PDE11A: variants seen among roughly 807,000 people sequenced by gnomAD.
PDE11A encodes phosphodiesterase 11A.
Under a neutral mutation model 100.5 loss-of-function variants are expected in PDE11A, and 100 were observed. That is an observed-to-expected ratio of 1.00 (90% confidence interval 0.85 to 1.18). The LOEUF (loss-of-function observed/expected upper bound fraction) is 1.18. Ranked by LOEUF, PDE11A falls within the 50% of genes most tolerant of loss-of-function variation. The probability of loss-of-function intolerance (pLI) is 0.00; values close to 1 mark genes in which losing one functional copy is unlikely to be tolerated. For missense variants in PDE11A, 1,141 were observed against 1,152.6 expected (o/e 0.99, Z 0.15); for synonymous variants, 381 against 420.8 (o/e 0.91, Z 1.16).
chr2:177,939,117 C>T (rs566992298), intron 2 of PDE11A, among the ~76,000 whole-genome samples: 2 of 152,272 alleles, frequency 1.3e-5, no homozygotes, highest in South Asian at 4.1e-4. Context: ...AGCAAACTTG[C>T]ATAACATGCA....
At chr2:177,851,100 G>A (rs923171348) in intron 5 of PDE11A, among the ~76,000 whole-genome samples, 40 of 152,040 alleles carry the variant, frequency 2.6e-4, no homozygotes, top group African/African-American at 3.4e-4. Context: ...TGTTTATTGC[G>A]GCACTATTCA....
Position 177,631,969 on chromosome 2 carries a change from A to T in PDE11A, c.2647-2407T>A, listed in dbSNP as rs374570951. Among the ~76,000 whole-genome samples the T allele has an allele frequency of 2.7e-4, 41 of 152,266 alleles. No individual in the cohort carries two copies. The East Asian group carries it at 7.7e-3, about 29-fold the overall frequency. The stretch of plus-strand genomic sequence containing the variant: ...CATGTTAGGATCATAAATGATCCTT[A>T]GCCTTTCCATCACAGGAGGAAGGTA... On this transcript the variant is annotated intron_variant, in intron 19 of 19. Coordinates refer to ENST00000286063, the MANE Select transcript of PDE11A (RefSeq NM_016953.4).
intron 5 of PDE11A, among the ~76,000 whole-genome samples, chr2:177,867,087 G>C (rs1449549734): frequency 6.6e-6 from 1 of 152,146 alleles, no homozygotes; most frequent in African/African-American, 2.4e-5. Flanking sequence ...ATGTGTGTGT[G>C]TATACTTGTG....
intron 5 of PDE11A, among the ~76,000 whole-genome samples, chr2:177,851,631 C>A (rs953558475): frequency 6.6e-6 from 1 of 152,160 alleles, no homozygotes; most frequent in Admixed American, 6.5e-5. Context: ...GTGAATAAGG[C>A]TACTGCGGAA....
intron 2 of PDE11A, among the ~76,000 whole-genome samples, chr2:178,000,359 A>T (rs1574333631): frequency 6.6e-6 from 1 of 152,250 alleles, no homozygotes. Flanking sequence ...TCATTTAAAC[A>T]GCATATTCCA....
At chr2:177,917,183 C>T (rs1185621025) in intron 2 of PDE11A, among the ~76,000 whole-genome samples, 1 of 151,152 alleles carries the variant, frequency 6.6e-6, no homozygotes, top group Non-Finnish European at 1.5e-5. Context: ...TCCAAAACCA[C>T]CCTATATGTG....
At chr2:177,777,363 T>G (rs542783706) in intron 9 of PDE11A, among the ~76,000 whole-genome samples, 2 of 152,316 alleles carry the variant, frequency 1.3e-5, no homozygotes, top group African/African-American at 2.4e-5. Flanking sequence ...ATAAAAAAAG[T>G]AATTCTTAAT....
At chr2:177,681,845 T>C (rs10803914) in intron 15 of PDE11A, among the ~76,000 whole-genome samples, 132,898 of 152,240 alleles carry the variant, frequency 0.87, 58,072 homozygotes, top group African/African-American at 0.93. Context: ...CAATAAGATA[T>C]CAACATGACA....
intron 7 of PDE11A, among the ~76,000 whole-genome samples, chr2:177,819,865 T>TTTCTCTCTCTCTCTCC (rs2105585570): frequency 8.7e-6 from 1 of 115,368 alleles, no homozygotes; most frequent in African/African-American, 3.0e-5. Context: ...TCTCTTTCTC[T>TTTCTCTCTCTCTCTCC]CTTTCTCTCT....
chr2:178,001,492 G>C (rs1016671368), intron 2 of PDE11A, among the ~76,000 whole-genome samples: 2 of 152,106 alleles, frequency 1.3e-5, no homozygotes, highest in African/African-American at 4.8e-5. Context: ...GAAATCAGTA[G>C]CTTGTTAATC....
intron 2 of PDE11A, among the ~76,000 whole-genome samples, chr2:177,938,998 C>T (rs1049223669): frequency 6.6e-6 from 1 of 152,202 alleles, no homozygotes; most frequent in African/African-American, 2.4e-5. Context: ...TTAGAAGCAA[C>T]AACCATGCTG....
intron 2 of PDE11A, among the ~76,000 whole-genome samples, chr2:177,928,711 T>A (rs1294254327): frequency 2.6e-5 from 4 of 152,142 alleles, no homozygotes; most frequent in African/African-American, 9.7e-5. Flanking sequence ...ATTCTTTTTT[T>A]AATTATCTGG....
intron 15 of PDE11A, among the ~76,000 whole-genome samples, chr2:177,696,979 T>G (rs2081120915): frequency 6.6e-6 from 1 of 152,222 alleles, no homozygotes; most frequent in African/African-American, 2.4e-5. Flanking sequence ...ATTTTTCATC[T>G]TCGTTATCAA....
intron 10 of PDE11A, among the ~76,000 whole-genome samples, chr2:177,764,179 C>A (rs1465216562): frequency 1.3e-5 from 2 of 152,052 alleles, no homozygotes; most frequent in African/African-American, 4.8e-5. Flanking sequence ...ACAAGGAGTA[C>A]CTATTCTTGG....
rs1272977820 is a variant in PDE11A, at chr2:177,700,389, C to A, written c.2244+732G>T. Reference sequence around the variant, plus strand: ...TGACAAATAATGGGGAACAGATGATCCCTTCCTGGCCTCAAAAAAAAAAAA... The same window carrying A: ...TGACAAATAATGGGGAACAGATGATACCTTCCTGGCCTCAAAAAAAAAAAA... On this transcript the variant is annotated intron_variant, in intron 14 of 19. Coordinates refer to ENST00000286063, the MANE Select transcript of PDE11A (RefSeq NM_016953.4). Among the ~76,000 whole-genome samples, 5 of 102,358 alleles carry A rather than the reference C, an allele frequency of 4.9e-5. No individual in the cohort carries two copies. In the East Asian group the frequency reaches 1.3e-3, roughly 26 times the overall value. 67.2% of individuals were successfully genotyped at this position (102,358 alleles called of 152,430 possible).
chr2:177,992,661 T>C (rs1436852238), intron 2 of PDE11A, among the ~76,000 whole-genome samples: 8 of 152,200 alleles, frequency 5.3e-5, no homozygotes, highest in Non-Finnish European at 1.0e-4. Flanking sequence ...GATAGTTAAG[T>C]AGCTGAAGCA....
chr2:177,790,485 A>T (rs2082613386), intron 9 of PDE11A, among the ~76,000 whole-genome samples: 1 of 151,874 alleles, frequency 6.6e-6, no homozygotes, highest in Non-Finnish European at 1.5e-5. Context: ...AAGGGCAAGG[A>T]CTTCATGTCC....
intron 19 of PDE11A, among the ~76,000 whole-genome samples, chr2:177,654,936 C>A (rs2080359842): frequency 1.1e-5 from 1 of 87,132 alleles, no homozygotes; most frequent in African/African-American, 2.6e-5. Flanking sequence ...AATATGCTCT[C>A]TAAAAAAACT....
intron 7 of PDE11A, among the ~76,000 whole-genome samples, chr2:177,818,193 A>G (rs897233693): frequency 1.3e-5 from 2 of 151,974 alleles, no homozygotes; most frequent in East Asian, 3.8e-4. Context: ...TAGTTACAGT[A>G]ACTCTAATAT....
Sources: gnomAD v4.1 joint callset for allele counts (sites outside exome capture counted in the v4.1 genomes callset) on GRCh38, gnomAD v4.1.1 for gene constraint, MANE v1.5 for transcripts, NCBI Gene and HGNC (gene_info 2026-07-23, HGNC 2026-07-21) for gene names.